BTBD9: variants seen among roughly 807,000 people sequenced by gnomAD.
BTBD9 encodes BTB domain containing 9, also known as BTB/POZ domain-containing protein 9.
BTBD9 carries 49 observed loss-of-function variants against 64.3 expected under a neutral mutation model. That is an observed-to-expected ratio of 0.76 (90% confidence interval 0.61 to 0.97). The LOEUF (loss-of-function observed/expected upper bound fraction) is 0.97, where lower values mean the gene tolerates loss of function less well. Ranked by LOEUF, BTBD9 falls within the 50% of genes least tolerant of loss-of-function variation. The pLI is 0.00. For synonymous variants in BTBD9, 260 were observed against 274.7 expected, an observed-to-expected ratio of 0.95 and a Z score of 0.53; for missense variants, 598 against 762.1, an observed-to-expected ratio of 0.78 and a Z score of 2.53.
chr6:38,613,135 A>G (rs910995067), intron 1 of BTBD9: 1 of 152,270 alleles, frequency 6.6e-6, no homozygotes, highest in Non-Finnish European at 1.5e-5. Context: ...TAGATATATT[A>G]GTCTTCATAA....
At chr6:38,334,014 T>G (rs1763783800) in intron 7 of BTBD9, among the ~76,000 whole-genome samples, 1 of 152,212 alleles carries the variant, frequency 6.6e-6, no homozygotes, top group Non-Finnish European at 1.5e-5. Context: ...AAGTCCAGGC[T>G]GAGGGGGTCT....
chr6:38,432,213 A>G (rs192475806), intron 6 of BTBD9, among the ~76,000 whole-genome samples: 2 of 152,172 alleles, frequency 1.3e-5, no homozygotes, highest in East Asian at 3.9e-4. Context: ...AGAAGCTGCC[A>G]CCATGCCCTT....
intron 1 of BTBD9, among the ~76,000 whole-genome samples, chr6:38,615,643 C>T (rs1777758635): frequency 6.6e-6 from 1 of 152,194 alleles, no homozygotes; most frequent in Admixed American, 6.5e-5. Context: ...CCCTACATAC[C>T]CTACTACCCC....
At chr6:38,197,032 T>G (rs1762290960) in intron 9 of BTBD9, among the ~76,000 whole-genome samples, 1 of 152,220 alleles carries the variant, frequency 6.6e-6, no homozygotes, top group Admixed American at 6.5e-5. Flanking sequence ...AATTCTGTAA[T>G]GCAAATGAAA....
chr6:38,469,486 A>AT (rs917832083), intron 6 of BTBD9, among the ~76,000 whole-genome samples: 12 of 151,914 alleles, frequency 7.9e-5, no homozygotes, highest in Non-Finnish European at 1.5e-4. Flanking sequence ...CGCCTGGCTA[A>AT]TTTTTTTGTA....
chr6:38,269,340 T>C (rs912700051), intron 8 of BTBD9, among the ~76,000 whole-genome samples: 2 of 151,990 alleles, frequency 1.3e-5, no homozygotes, highest in South Asian at 2.1e-4. Context: ...GCCAGAAAAA[T>C]AAAGCAACAT....
intron 6 of BTBD9, among the ~76,000 whole-genome samples, chr6:38,559,751 T>C (rs370554729): frequency 2.6e-4 from 40 of 152,066 alleles, no homozygotes; most frequent in Middle Eastern, 3.4e-3. Flanking sequence ...TGGAACAAAA[T>C]TGAGAACCCA....
intron 9 of BTBD9, among the ~76,000 whole-genome samples, chr6:38,205,892 G>GAAAAAAAAAAAAAA (rs1762628139): frequency 1.1e-5 from 1 of 94,062 alleles, no homozygotes; most frequent in African/African-American, 4.2e-5. Flanking sequence ...AAAAAAAAAA[G>GAAAAAAAAAAAAAA]AAAGAAAGAA....
At position 38,601,035 on chromosome 6, in the gene BTBD9, T is replaced by C. The variant is rs140691822; in HGVS notation, c.-27-2914A>G. On this transcript the variant is annotated intron_variant, in intron 1 of 10. Transcript: ENST00000481247. ...GAGCTTGCCCAACATTGGAATCAAA[T>C]GGGGAGCTTAAAAACAACAAAAAAA... Among the ~76,000 whole-genome samples the C allele has an allele frequency of 2.2e-3, 335 of 152,096 alleles. 6 individuals carry two copies. In the East Asian group the frequency reaches 0.037, roughly 17 times the overall value.
chr6:38,442,466 T>C (rs990638303), intron 6 of BTBD9, among the ~76,000 whole-genome samples: 1 of 151,370 alleles, frequency 6.6e-6, no homozygotes, highest in South Asian at 2.1e-4. Context: ...CGAGACTTCA[T>C]CTCAAAAAAA....
chr6:38,493,746 A>G (rs1439492286), intron 6 of BTBD9, among the ~76,000 whole-genome samples: 1 of 152,190 alleles, frequency 6.6e-6, no homozygotes, highest in East Asian at 1.9e-4. Flanking sequence ...CTGTGGGGAG[A>G]TGAGCACTGA....
chr6:38,397,952 T>C (rs1766754461), intron 6 of BTBD9, among the ~76,000 whole-genome samples: 1 of 152,186 alleles, frequency 6.6e-6, no homozygotes, highest in Admixed American at 6.5e-5. Flanking sequence ...AGGAGTGCGG[T>C]ACTATTGGAA....
At chr6:38,628,197 A>G (rs1181550720) in intron 1 of BTBD9, among the ~76,000 whole-genome samples, 1 of 152,200 alleles carries the variant, frequency 6.6e-6, no homozygotes, top group African/African-American at 2.4e-5. Context: ...AAAAAGGACA[A>G]TAAATAAAAT....
At chr6:38,623,600 G>A (rs1003735771) in intron 1 of BTBD9, among the ~76,000 whole-genome samples, 5 of 152,100 alleles carry the variant, frequency 3.3e-5, no homozygotes, top group Admixed American at 1.3e-4. Flanking sequence ...CTAACCAGTC[G>A]GGAAAGTACA....
At chr6:38,334,250 G>C (rs1298443333) in intron 7 of BTBD9, among the ~76,000 whole-genome samples, 7 of 152,092 alleles carry the variant, frequency 4.6e-5, no homozygotes, top group Non-Finnish European at 8.8e-5. Flanking sequence ...TGAACACAGA[G>C]ATTATCTGAA....
intron 9 of BTBD9, among the ~76,000 whole-genome samples, chr6:38,246,050 A>C (rs984761519): frequency 6.6e-6 from 1 of 152,190 alleles, no homozygotes. Flanking sequence ...ATTTCCTTCT[A>C]GCTCCTTTAA....
rs141179113 is a variant in BTBD9, at chr6:38,625,663, T to C, written c.-28+14137A>G. On this transcript the variant is annotated intron_variant, in intron 1 of 10. Transcript: ENST00000481247. ...TAAATATTCACAGATTCCTAGAACATAGAGCTGAAAAGAATTCAAGCATCA... is the reference window on the plus strand; with the variant it reads ...TAAATATTCACAGATTCCTAGAACACAGAGCTGAAAAGAATTCAAGCATCA... Among the ~76,000 whole-genome samples the C allele has an allele frequency of 2.9e-3, 434 of 152,230 alleles. 5 individuals carry two copies. Among genetic ancestry groups the C allele is most frequent in the African/African-American group, 9.4e-3 (389 of 41,556 alleles).
chr6:38,533,861 C>G (rs1389125129), intron 6 of BTBD9, among the ~76,000 whole-genome samples: 1 of 151,900 alleles, frequency 6.6e-6, no homozygotes, highest in East Asian at 1.9e-4. Context: ...ACACAACATA[C>G]CAAAACCTAT....
At chr6:38,587,615 C>T (rs1776594549) in intron 4 of BTBD9, 2 of 586,894 alleles carry the variant, frequency 3.4e-6, no homozygotes, top group African/African-American at 3.8e-5. Flanking sequence ...CAACGAAGAC[C>T]CCTTGAATCA....
Sources: allele counts gnomAD v4.1 joint callset (sites outside exome capture counted in the v4.1 genomes callset), GRCh38; gene constraint gnomAD v4.1.1; transcripts MANE v1.5; gene names NCBI Gene and HGNC (gene_info 2026-07-23, HGNC 2026-07-21).